ACOXL: variants seen among roughly 807,000 people sequenced by gnomAD.
The protein encoded by ACOXL is acyl-coenzyme A oxidase-like protein.
A neutral mutation model predicts 71.9 loss-of-function variants in ACOXL; 70 were observed. That is an observed-to-expected ratio of 0.97 (90% CI 0.80 to 1.19). The LOEUF (loss-of-function observed/expected upper bound fraction) is 1.19. ACOXL is among the 50% of genes most tolerant of loss of function. ACOXL has a pLI of 0.00. For missense variants in ACOXL, 703 were observed against 736.3 expected, an observed-to-expected ratio of 0.95 and a Z score of 0.52; for synonymous variants, 253 against 281.6, an observed-to-expected ratio of 0.90 and a Z score of 1.02.
At chr2:110,798,781 T>G (rs1279307781) in intron 6 of ACOXL, 57 bp downstream of exon 6, 2 of 1,503,564 alleles carry the variant, frequency 1.3e-6, no homozygotes, top group Non-Finnish European at 1.8e-6. Flanking sequence ...TATTTACCAG[T>G]GAAAAACCAT....
intron 10 of ACOXL, among the ~76,000 whole-genome samples, chr2:110,886,013 A>G (rs753626323): frequency 3.3e-5 from 5 of 151,924 alleles, no homozygotes; most frequent in Non-Finnish European, 5.9e-5. Flanking sequence ...ATGTAAATCA[A>G]TGTCTTTTAA....
chr2:110,989,708 CA>C (rs2063091091), intron 13 of ACOXL, among the ~76,000 whole-genome samples: 1 of 152,124 alleles, frequency 6.6e-6, no homozygotes, highest in South Asian at 2.1e-4. Flanking sequence ...GGTTGTACAA[CA>C]GGGTGAACGT....
At chr2:110,965,290 G>C (rs1055209468) in intron 12 of ACOXL, among the ~76,000 whole-genome samples, 1 of 152,134 alleles carries the variant, frequency 6.6e-6, no homozygotes, top group Non-Finnish European at 1.5e-5. Flanking sequence ...AAACATGTGG[G>C]TGCAGGTGTA....
intron 14 of ACOXL, among the ~76,000 whole-genome samples, chr2:111,024,510 T>C (rs1164300275): frequency 6.6e-6 from 1 of 152,160 alleles, no homozygotes; most frequent in East Asian, 1.9e-4. Context: ...AGAGGTGGCA[T>C]GGAACTGCTG....
chr2:110,958,339 GGGGAGAGCAGGCT>G (rs1363201089), intron 12 of ACOXL, among the ~76,000 whole-genome samples: 1 of 152,218 alleles, frequency 6.6e-6, no homozygotes, highest in Non-Finnish European at 1.5e-5. Flanking sequence ...TGTCAGCCAT[GGGGAGAGCAGGCT>G]GGCCCAGCAC....
intron 12 of ACOXL, among the ~76,000 whole-genome samples, chr2:110,955,933 ATTTTTTTT>A (rs67285328): frequency 1.4e-4 from 14 of 101,778 alleles, no homozygotes; most frequent in Non-Finnish European, 2.5e-4. Flanking sequence ...CTTGCCACAG[ATTTTTTTT>A]TTTTTTTTTT....
intron 16 of ACOXL, among the ~76,000 whole-genome samples, chr2:111,071,509 C>A (rs1158688348): frequency 6.6e-6 from 1 of 152,168 alleles, no homozygotes; most frequent in Non-Finnish European, 1.5e-5. Context: ...GGAGATTGTG[C>A]CACTGCCCAT....
chr2:110,917,759 A>C (rs2059918978), intron 11 of ACOXL, among the ~76,000 whole-genome samples: 2 of 152,218 alleles, frequency 1.3e-5, no homozygotes, highest in Admixed American at 6.5e-5. Flanking sequence ...ATACACCAAT[A>C]ATAGACAAAC....
intron 10 of ACOXL, among the ~76,000 whole-genome samples, chr2:110,879,703 A>G (rs1696378872): frequency 6.6e-6 from 1 of 152,154 alleles, no homozygotes; most frequent in East Asian, 1.9e-4. Flanking sequence ...TCTGGAGCCA[A>G]GCACTTAGGG....
rs200117981 is a variant in ACOXL at position 110,798,720 on chromosome 2, T to G, written c.456T>G (p.Ser152=). Residue 152 remains serine, a synonymous_variant, in exon 6 of 18, where the codon TCT becomes TCG. Transcript: ENST00000439055. ...VFAQLIIDGR[S]QGPHCFIVPV... is the part of the protein sequence containing the mutation. Reference sequence around the variant, plus strand: ...CCCAGCTCATCATAGATGGAAGATCTCAAGGTTTGTTACCAATACAGACAA... The same window carrying G: ...CCCAGCTCATCATAGATGGAAGATCGCAAGGTTTGTTACCAATACAGACAA... 6.2e-7 allele frequency: 1 copy of G among 1,613,544 alleles called. No individual in the cohort carries two copies. The highest frequency in any genetic ancestry group is 8.5e-7 in the Non-Finnish European group (1 of 1,179,454).
At chr2:111,049,382 A>G in intron 16 of ACOXL, 94 bp downstream of exon 16, 4 of 985,770 alleles carry the variant, frequency 4.1e-6, no homozygotes, top group Non-Finnish European at 6.2e-6. Context: ...GAGTAAATTT[A>G]TCATGTCTGA....
intron 2 of ACOXL, among the ~76,000 whole-genome samples, chr2:110,775,216 T>C (rs1025877701): frequency 6.6e-6 from 1 of 152,136 alleles, no homozygotes; most frequent in East Asian, 1.9e-4. Flanking sequence ...AATAAAAAAT[T>C]CAAAGAAAGC....
At chr2:111,055,661 A>T (rs1292848691) in intron 16 of ACOXL, among the ~76,000 whole-genome samples, 1 of 152,234 alleles carries the variant, frequency 6.6e-6, no homozygotes, top group African/African-American at 2.4e-5. Context: ...CCATTCAGTC[A>T]TCTGGGGCTG....
chr2:110,879,715 G>C (rs112229734), intron 10 of ACOXL, among the ~76,000 whole-genome samples: 137 of 152,158 alleles, frequency 9.0e-4, no homozygotes, highest in African/African-American at 3.2e-3. Flanking sequence ...CACTTAGGGC[G>C]TTTTTTTGCT....
chr2:111,026,237 T>C (rs1172796477), intron 14 of ACOXL, among the ~76,000 whole-genome samples: 5 of 152,156 alleles, frequency 3.3e-5, no homozygotes. Flanking sequence ...TTTTGACTTT[T>C]CTAGGTCCTC....
At chr2:110,966,286 A>G (rs185265298) in intron 12 of ACOXL, among the ~76,000 whole-genome samples, 30 of 152,254 alleles carry the variant, frequency 2.0e-4, no homozygotes, top group East Asian at 1.5e-3. Flanking sequence ...ACAAGAACCA[A>G]TGAAGTGGCT....
rs1554005 is a variant in ACOXL at position 110,841,381 on chromosome 2, C to T, written c.764C>T (p.Thr255Met). 295,513 of 1,598,438 alleles carry T rather than the reference C, an allele frequency of 0.18. 28,367 individuals carry two copies. Among genetic ancestry groups the T allele is most frequent in the Admixed American group, 0.23 (13,691 of 59,424 alleles). ...QAMGAMKLGL[T>M]IAIRYSHSRR... ...TCTTTTTAATTACAGCTTGGGTTGA[C>T]GATAGCCATTCGCTATAGCCACAGG... is the stretch of plus-strand genomic sequence containing the variant. Residue 255 changes from threonine (T) to methionine (M), a missense_variant, in exon 10 of 18, where the codon ACG becomes ATG. By Grantham distance (81) the Thr-to-Met change is moderately conservative. Transcript: ENST00000439055.
chr2:110,940,450 G>A (rs932102426), intron 12 of ACOXL, among the ~76,000 whole-genome samples: 7 of 152,180 alleles, frequency 4.6e-5, no homozygotes, highest in Non-Finnish European at 8.8e-5. Flanking sequence ...TATTAATTTG[G>A]CCCTTGAGAC....
chr2:110,886,958 A>G, intron 10 of ACOXL: 1 of 1,324,570 alleles, frequency 7.5e-7, no homozygotes, highest in Non-Finnish European at 1.0e-6. Context: ...TAGGCTTCTC[A>G]CTGCACTATC....
Sources: allele counts gnomAD v4.1 joint callset (sites outside exome capture counted in the v4.1 genomes callset), GRCh38; gene constraint gnomAD v4.1.1; transcripts MANE v1.5; gene names NCBI Gene and HGNC (gene_info 2026-07-23, HGNC 2026-07-21).